The following CNNM4 variants were observed in gnomAD, a reference collection of about 807,000 sequenced individuals.
CNNM4 encodes metal transporter CNNM4.
A neutral mutation model predicts 53.7 loss-of-function variants in CNNM4; 32 were observed. The observed-to-expected ratio is 0.60, with a 90% CI of 0.45 to 0.80. The LOEUF (loss-of-function observed/expected upper bound fraction) is 0.80, where lower values mean the gene tolerates loss of function less well. CNNM4 is among the 30% of genes least tolerant of loss of function. CNNM4 has a pLI of 0.00. For missense variants in CNNM4, 784 were observed against 1,022.0 expected (o/e 0.77, Z 3.17); for synonymous variants, 410 against 440.0 (o/e 0.93, Z 0.85).
intron 1 of CNNM4, among the ~76,000 whole-genome samples, chr2:96,769,966 C>T (rs1330041318): frequency 1.3e-5 from 2 of 152,360 alleles, no homozygotes; most frequent in East Asian, 3.9e-4. Flanking sequence ...GAGCTGTGGC[C>T]AGGCTCCTTC....
chr2:96,783,803 T>A (rs957367998), intron 1 of CNNM4, among the ~76,000 whole-genome samples: 2 of 152,222 alleles, frequency 1.3e-5, no homozygotes, highest in African/African-American at 4.8e-5. Context: ...TGGGATTGTG[T>A]ATGCATCTGT....
chr2:96,806,533 A>ACGCGCG (rs745997640), intron 5 of CNNM4, among the ~76,000 whole-genome samples: 264 of 138,560 alleles, frequency 1.9e-3, no homozygotes, highest in Admixed American at 5.0e-3. Context: ...ACACACACAC[A>ACGCGCG]CACGCGCGCG....
intron 5 of CNNM4, among the ~76,000 whole-genome samples, chr2:96,802,248 C>T (rs918927960): frequency 1.3e-5 from 2 of 152,176 alleles, no homozygotes; most frequent in African/African-American, 4.8e-5. Flanking sequence ...ACCACAGACA[C>T]ACACACATGC....
At position 96,808,957 on chromosome 2, in the gene CNNM4, C is replaced by T. The variant is rs191111547; in HGVS notation, c.2130+215C>T. Among the ~76,000 whole-genome samples, 2 of 151,848 alleles carry T rather than the reference C, an allele frequency of 1.3e-5. No homozygotes were observed. The highest frequency in any genetic ancestry group is 2.9e-5 in the Non-Finnish European group (2 of 67,968). ...TTGGGTTCAAGGATTCCTCCCACCTCAGCCTCCTGAGTAGCTGGGACTACA... is the reference window on the plus strand; with the variant it reads ...TTGGGTTCAAGGATTCCTCCCACCTTAGCCTCCTGAGTAGCTGGGACTACA... On this transcript the variant is annotated intron_variant, in intron 6 of 6. Transcript: ENST00000377075. This position sits in a 1 kb window ranked among gnomAD's most constrained non-coding sequence, Gnocchi z 4.9.
At chr2:96,809,016 TC>T (rs1441553318) in intron 6 of CNNM4, among the ~76,000 whole-genome samples, 1 of 150,994 alleles carries the variant, frequency 6.6e-6, no homozygotes, top group Non-Finnish European at 1.5e-5. Flanking sequence ...TTTTTTTTTT[TC>T]CCCTTATAGA....
intron 1 of CNNM4, among the ~76,000 whole-genome samples, chr2:96,795,942 G>A (rs2079099416): frequency 6.6e-6 from 1 of 152,044 alleles, no homozygotes; most frequent in Non-Finnish European, 1.5e-5. Flanking sequence ...ACCCCACAGG[G>A]TTTCTGTGGA....
intron 4 of CNNM4, 46 bp from the exon 5 acceptor site, chr2:96,799,506 T>C (rs201154335): frequency 2.0e-6 from 3 of 1,506,846 alleles, no homozygotes; most frequent in Non-Finnish European, 2.7e-6. Context: ...TCATCCTTTG[T>C]TTCCTCCCTC....
Position 96,801,995 on chromosome 2 carries a change from A to G in CNNM4, c.1948+2347A>G, listed in dbSNP as rs2079163855. Among the ~76,000 whole-genome samples, 2 of 150,228 alleles carry G rather than the reference A, an allele frequency of 1.3e-5. No individual in the cohort carries two copies. Among genetic ancestry groups the G allele is most frequent in the African/African-American group, 4.9e-5 (2 of 40,684 alleles). ...CACAAAGAGACACACACAGACACACACCCATGGACACACACACACACAGAA... is the reference window on the plus strand; with the variant it reads ...CACAAAGAGACACACACAGACACACGCCCATGGACACACACACACACAGAA... On this transcript the variant is annotated intron_variant, in intron 5 of 6. Transcript: ENST00000377075. This position sits in a 1 kb window ranked among gnomAD's most constrained non-coding sequence, Gnocchi z 5.6.
rs1574082626 is a variant in CNNM4, at chr2:96,801,471, G to C, written c.1948+1823G>C. ...CACATGCAGAGAGACCGCACACACA[G>C]AGAGAGACCACACACACACAGAGAC... On this transcript the variant is annotated intron_variant, in intron 5 of 6. Coordinates refer to ENST00000377075, the MANE Select transcript of CNNM4 (RefSeq NM_020184.4). The surrounding 1 kb of genome is among the most constrained non-coding windows in gnomAD (Gnocchi z 5.6). Among the ~76,000 whole-genome samples the C allele has an allele frequency of 6.7e-6, 1 of 149,576 alleles. No homozygotes were observed. The highest frequency in any genetic ancestry group is 2.1e-4 in the South Asian group (1 of 4,688).
At chr2:96,805,418 GTTTTTTTTTT>G (rs898761608) in intron 5 of CNNM4, among the ~76,000 whole-genome samples, 1 of 76,158 alleles carries the variant, frequency 1.3e-5, no homozygotes, top group South Asian at 5.0e-4. Context: ...CTTCTTTTCA[GTTTTTTTTTT>G]TTTTTTTTTT....
intron 1 of CNNM4, among the ~76,000 whole-genome samples, chr2:96,785,929 T>C (rs1233827589): frequency 6.6e-6 from 1 of 151,228 alleles, no homozygotes; most frequent in African/African-American, 2.4e-5. Flanking sequence ...CTACTAAAAA[T>C]ACAAAAAATT....
chr2:96,777,073 T>C (rs546344911), intron 1 of CNNM4, among the ~76,000 whole-genome samples: 4 of 151,642 alleles, frequency 2.6e-5, no homozygotes, highest in Admixed American at 2.6e-4. Context: ...CCGGCTGGAG[T>C]GTAATGGCGC....
chr2:96,773,340 C>T (rs138010976), intron 1 of CNNM4, among the ~76,000 whole-genome samples: 28 of 152,294 alleles, frequency 1.8e-4, no homozygotes, highest in African/African-American at 6.3e-4. Context: ...CTGTGCCCGG[C>T]ACTGCGTAAT....
intron 1 of CNNM4, among the ~76,000 whole-genome samples, chr2:96,771,943 G>A (rs966870787): frequency 7.9e-5 from 12 of 152,162 alleles, no homozygotes; most frequent in African/African-American, 2.4e-4. Flanking sequence ...TTTGCTGGGG[G>A]TTAAACTTGG....
chr2:96,809,440 G>A lies in CNNM4; in HGVS notation c.2251G>A (p.Val751Met). 1 of 1,614,214 alleles carries A rather than the reference G, an allele frequency of 6.2e-7. No homozygotes were observed. The highest frequency in any genetic ancestry group is 8.5e-7 in the Non-Finnish European group (1 of 1,180,032). The change falls in exon 7 of 7, where the codon GTG (valine) becomes ATG (methionine). Residue 751 changes from valine (V) to methionine (M), a missense_variant. This residue lies in a region of CNNM4 where 307 missense variants were observed against 376.3 expected (regional missense o/e 0.82). Transcript: ENST00000377075. ...ENLAEKSELPVVDETTTLLNE... is the reference protein window; with the variant it reads ...ENLAEKSELPMVDETTTLLNE... ...CTTGGCCGAGAAGTCTGAGCTGCCTGTGGTGGACGAGACCACAACTCTTCT... is the reference window on the plus strand; with the variant it reads ...CTTGGCCGAGAAGTCTGAGCTGCCTATGGTGGACGAGACCACAACTCTTCT...
In CNNM4 at chr2:96,761,347, C is replaced by A. The variant is rs745841697; in HGVS notation, c.348C>A (p.Val116=). The A allele has an allele frequency of 6.2e-7, 1 of 1,614,080 alleles. No homozygotes were observed. The highest frequency in any genetic ancestry group is 8.5e-7 in the Non-Finnish European group (1 of 1,180,042). ...GCCTCGAGCTCACCAAGGACCTGGT[C>A]GTCCAGCAGCTGGTCAACGTGAGCC... ...TSCLELTKDL[V]VQQLVNVSRG... The change falls in exon 1 of 7, where the codon GTC becomes GTA. Residue 116 remains valine, a synonymous_variant. Coordinates refer to ENST00000377075, the MANE Select transcript of CNNM4 (RefSeq NM_020184.4). The surrounding 1 kb of genome is among the most constrained non-coding windows in gnomAD (Gnocchi z 6.0).
intron 1 of CNNM4, among the ~76,000 whole-genome samples, chr2:96,763,465 G>C (rs192171519): frequency 6.6e-6 from 1 of 152,308 alleles, no homozygotes; most frequent in Admixed American, 6.5e-5. Flanking sequence ...TAAAGGAATG[G>C]GGGTGAGGGG....
At chr2:96,789,815 C>T (rs1159277771) in intron 1 of CNNM4, among the ~76,000 whole-genome samples, 1 of 151,244 alleles carries the variant, frequency 6.6e-6, no homozygotes, top group Non-Finnish European at 1.5e-5. Context: ...GCCTCAGCCT[C>T]CTGAGTAGCT....
intron 1 of CNNM4, among the ~76,000 whole-genome samples, chr2:96,780,890 C>G (rs925444644): frequency 6.7e-6 from 1 of 150,116 alleles, no homozygotes; most frequent in African/African-American, 2.5e-5. Flanking sequence ...AGGCGCGTAC[C>G]ACCACACCCA....
Sources: gnomAD v4.1 joint callset for allele counts (sites outside exome capture counted in the v4.1 genomes callset) on GRCh38, gnomAD v4.1.1 for gene constraint, gnomAD v4.1.1 regional missense constraint, Gnocchi (gnomAD v3.1) non-coding constraint, MANE v1.5 for transcripts, NCBI Gene and HGNC (gene_info 2026-07-23, HGNC 2026-07-21) for gene names.